The following GULP1 variants were observed in gnomAD, a reference collection of about 807,000 sequenced individuals.
The protein encoded by GULP1 is PTB domain-containing engulfment adapter protein 1.
In GULP1, 19 loss-of-function variants were observed where a neutral mutation model predicts 40.9. The observed-to-expected ratio is 0.46, with a 90% confidence interval of 0.32 to 0.68. The LOEUF (loss-of-function observed/expected upper bound fraction) is 0.68. Ranked by LOEUF, GULP1 falls within the 30% of genes least tolerant of loss-of-function variation. The probability of loss-of-function intolerance (pLI) is 0.03; values close to 1 mark genes in which losing one functional copy is unlikely to be tolerated. For missense variants in GULP1, 312 were observed against 362.2 expected (o/e 0.86, Z 1.12); for synonymous variants, 119 against 117.6 (o/e 1.01, Z -0.08).
At position 188,513,476 on chromosome 2, in the gene GULP1, T is replaced by C. The variant is rs372457716; in HGVS notation, c.91-9280T>C. Among the ~76,000 whole-genome samples the C allele has an allele frequency of 2.6e-5, 4 of 152,290 alleles. No homozygotes were observed. In the East Asian group the frequency reaches 5.8e-4, roughly 22 times the overall value. On this transcript the variant is annotated intron_variant, in intron 4 of 11. Coordinates refer to ENST00000409830, the MANE Select transcript of GULP1 (RefSeq NM_016315.4). ...AGTAATTGATGAGGTTTTGTTAGGTTTGCTTAATATTGTCATTGGCCGATC... is the reference window on the plus strand; with the variant it reads ...AGTAATTGATGAGGTTTTGTTAGGTCTGCTTAATATTGTCATTGGCCGATC...
intron 3 of GULP1, among the ~76,000 whole-genome samples, chr2:188,479,390 T>A (rs971676739): frequency 6.6e-6 from 1 of 152,122 alleles, no homozygotes; most frequent in African/African-American, 2.4e-5. Flanking sequence ...ATAGTGTTTC[T>A]TTCATTTTTA....
chr2:188,338,807 C>T (rs2042612218), intron 1 of GULP1, among the ~76,000 whole-genome samples: 1 of 152,148 alleles, frequency 6.6e-6, no homozygotes, highest in African/African-American at 2.4e-5. Flanking sequence ...AGGCTAATCT[C>T]AGAAGAATTG....
At chr2:188,340,043 G>GT (rs1205342775) in intron 1 of GULP1, among the ~76,000 whole-genome samples, 1 of 152,200 alleles carries the variant, frequency 6.6e-6, no homozygotes, top group Non-Finnish European at 1.5e-5. Flanking sequence ...TTGTATAATT[G>GT]TTTTTTGTAT....
intron 9 of GULP1, among the ~76,000 whole-genome samples, chr2:188,581,422 C>T (rs1375386005): frequency 2.0e-5 from 3 of 152,182 alleles, no homozygotes; most frequent in African/African-American, 7.2e-5. Context: ...CACCTTCTCT[C>T]TGGCCTCTTG....
At chr2:188,304,143 G>T (rs1361612228) in intron 1 of GULP1, among the ~76,000 whole-genome samples, 1 of 152,036 alleles carries the variant, frequency 6.6e-6, no homozygotes, top group Non-Finnish European at 1.5e-5. Flanking sequence ...ATATAACTTG[G>T]CTCACAGCAG....
intron 2 of GULP1, among the ~76,000 whole-genome samples, chr2:188,461,318 CTTT>C (rs549518354): frequency 8.9e-5 from 11 of 122,908 alleles, no homozygotes; most frequent in Non-Finnish European, 8.5e-5. Flanking sequence ...TACTGGTAAG[CTTT>C]TTTTTTTTTT....
intron 6 of GULP1, among the ~76,000 whole-genome samples, chr2:188,540,684 G>A (rs537294495): frequency 6.6e-6 from 1 of 152,092 alleles, no homozygotes; most frequent in Non-Finnish European, 1.5e-5. Flanking sequence ...GATTACTAAG[G>A]ATGAAATGAT....
chr2:188,330,764 G>A (rs370360683), intron 1 of GULP1, among the ~76,000 whole-genome samples: 17 of 152,168 alleles, frequency 1.1e-4, no homozygotes, highest in African/African-American at 3.1e-4. Context: ...TCTGGGCTTC[G>A]TATTCTTTGT....
chr2:188,478,049 T>TATA (rs2061161579), intron 3 of GULP1, among the ~76,000 whole-genome samples: 1 of 152,114 alleles, frequency 6.6e-6, no homozygotes, highest in African/African-American at 2.4e-5. Context: ...TATGTAGCCA[T>TATA]ATAATACTAA....
At chr2:188,364,886 ACACG>A (rs1040620399) in intron 1 of GULP1, among the ~76,000 whole-genome samples, 8 of 147,608 alleles carry the variant, frequency 5.4e-5, no homozygotes, top group African/African-American at 1.0e-4. Flanking sequence ...ACACACACAC[ACACG>A]TATATACACA....
chr2:188,365,115 A>G (rs2046613461), intron 1 of GULP1, among the ~76,000 whole-genome samples: 1 of 152,156 alleles, frequency 6.6e-6, no homozygotes, highest in South Asian at 2.1e-4. Flanking sequence ...AAGTATTAGA[A>G]ATAGTGTTTC....
intron 1 of GULP1, among the ~76,000 whole-genome samples, chr2:188,355,464 A>T (rs1265828529): frequency 6.6e-6 from 1 of 152,038 alleles, no homozygotes; most frequent in African/African-American, 2.4e-5. Flanking sequence ...TATAGAATCT[A>T]TCAAGACTGA....
Position 188,511,668 on chromosome 2 carries a change from A to G in GULP1, c.91-11088A>G, listed in dbSNP as rs375247046. On this transcript the variant is annotated intron_variant, in intron 4 of 11. Transcript: ENST00000409830. ...GTTTATAGCAAGTAGACTTGTTTGG[A>G]CTTAAACATGGAAATTGTATTTTAA... Among the ~76,000 whole-genome samples the G allele has an allele frequency of 1.8e-4, 28 of 152,270 alleles. No homozygotes were observed. The South Asian group carries it at 5.4e-3, about 29-fold the overall frequency.
intron 2 of GULP1, among the ~76,000 whole-genome samples, chr2:188,458,355 CTT>C (rs1456894868): frequency 6.6e-6 from 1 of 152,098 alleles, no homozygotes; most frequent in Non-Finnish European, 1.5e-5. Context: ...AATGTCTAGT[CTT>C]AGTCTATCTC....
intron 6 of GULP1, among the ~76,000 whole-genome samples, chr2:188,539,349 C>T (rs939653758): frequency 1.3e-5 from 2 of 151,768 alleles, no homozygotes; most frequent in Admixed American, 1.3e-4. Flanking sequence ...TGGGAGCTAT[C>T]GTGTAACAGA....
intron 4 of GULP1, chr2:188,491,393 A>G (rs1385675335): frequency 6.6e-6 from 1 of 152,106 alleles, no homozygotes; most frequent in Non-Finnish European, 1.5e-5. Flanking sequence ...ATTAGCAAAC[A>G]GGTGAGCATG....
chr2:188,592,447 G>T (rs375528888), intron 11 of GULP1: 1 of 151,954 alleles, frequency 6.6e-6, no homozygotes, highest in South Asian at 2.1e-4. Flanking sequence ...CTGGCTGTTT[G>T]AAAAATATAA....
chr2:188,350,197 A>G (rs900670188), intron 1 of GULP1, among the ~76,000 whole-genome samples: 6 of 152,070 alleles, frequency 3.9e-5, no homozygotes, highest in South Asian at 2.1e-4. Context: ...TTGTATTTCT[A>G]TATGAATTTT....
chr2:188,593,667 A>T (rs1704030495), intron 11 of GULP1: 1 of 220,132 alleles, frequency 4.5e-6, no homozygotes. Flanking sequence ...TTTTCTGAAA[A>T]AGAAACCTTT....
Sources: allele counts gnomAD v4.1 joint callset (sites outside exome capture counted in the v4.1 genomes callset), GRCh38; gene constraint gnomAD v4.1.1; transcripts MANE v1.5; gene names NCBI Gene and HGNC (gene_info 2026-07-23, HGNC 2026-07-21).